The following WWOX variants were observed in gnomAD, a reference collection of about 807,000 sequenced individuals.
The protein encoded by WWOX is WW domain-containing oxidoreductase.
Under a neutral mutation model 46.2 loss-of-function variants are expected in WWOX, and 69 were observed. That is an observed-to-expected ratio of 1.49 (90% confidence interval 1.23 to 1.82). The LOEUF is 1.82. Ranked by LOEUF, WWOX falls within the 40% of genes most tolerant of loss-of-function variation. WWOX has a pLI of 0.00. For synonymous variants in WWOX, 359 were observed against 202.6 expected (o/e 1.77, Z -6.56); for missense variants, 919 against 542.6 (o/e 1.69, Z -6.89).
intron 8 of WWOX, among the ~76,000 whole-genome samples, chr16:78,488,827 G>A (rs555865188): frequency 1.3e-5 from 2 of 152,294 alleles, no homozygotes; most frequent in African/African-American, 4.8e-5. Context: ...AGATCAGTGG[G>A]ACGATTGAGT....
intron 8 of WWOX, among the ~76,000 whole-genome samples, chr16:78,793,467 C>T (rs573559457): frequency 6.6e-6 from 1 of 152,202 alleles, no homozygotes; most frequent in East Asian, 1.9e-4. Context: ...ATTTTTTATC[C>T]AGTTTTGCTT....
intron 8 of WWOX, among the ~76,000 whole-genome samples, chr16:78,769,025 G>T (rs954853382): frequency 2.6e-5 from 4 of 152,180 alleles, no homozygotes; most frequent in Non-Finnish European, 5.9e-5. Context: ...TGGTCAATTT[G>T]TTGTTATTTT....
chr16:78,356,170 G>A (rs538383257), intron 5 of WWOX, among the ~76,000 whole-genome samples: 1 of 147,354 alleles, frequency 6.8e-6, no homozygotes, highest in East Asian at 2.0e-4. Flanking sequence ...TTGGGCGACA[G>A]AGCGAGACTC....
chr16:78,383,577 C>T (rs1353342331), intron 5 of WWOX, among the ~76,000 whole-genome samples: 1 of 152,150 alleles, frequency 6.6e-6, no homozygotes, highest in Non-Finnish European at 1.5e-5. Flanking sequence ...CCACTACCTT[C>T]TTATTTAGAG....
intron 6 of WWOX, among the ~76,000 whole-genome samples, chr16:78,414,313 C>G (rs2082749164): frequency 1.3e-5 from 2 of 152,290 alleles, no homozygotes; most frequent in Middle Eastern, 3.4e-3. Context: ...TTGGTGGTCT[C>G]TTCACATGGA....
At chr16:78,374,732 A>G (rs773475352) in intron 5 of WWOX, among the ~76,000 whole-genome samples, 20 of 151,842 alleles carry the variant, frequency 1.3e-4, no homozygotes, top group Non-Finnish European at 1.8e-4. Flanking sequence ...TTGTATTATT[A>G]GTAGAGATGG....
At chr16:78,466,493 CAT>C (rs2084081720) in intron 8 of WWOX, among the ~76,000 whole-genome samples, 1 of 152,142 alleles carries the variant, frequency 6.6e-6, no homozygotes, top group South Asian at 2.1e-4. Flanking sequence ...CATAAGGAGA[CAT>C]ATTTTGATAC....
intron 5 of WWOX, among the ~76,000 whole-genome samples, chr16:78,256,657 T>G (rs1305235926): frequency 6.6e-6 from 1 of 151,956 alleles, no homozygotes; most frequent in Non-Finnish European, 1.5e-5. Flanking sequence ...GGTTGAAGGA[T>G]TGGATGAGAC....
intron 5 of WWOX, among the ~76,000 whole-genome samples, chr16:78,209,878 A>G (rs978284497): frequency 2.0e-5 from 3 of 152,208 alleles, no homozygotes; most frequent in East Asian, 3.8e-4. Context: ...TTTATAAGTT[A>G]CCTTCTTTCT....
At chr16:78,505,876 A>G (rs1170512353) in intron 8 of WWOX, among the ~76,000 whole-genome samples, 1 of 152,200 alleles carries the variant, frequency 6.6e-6, no homozygotes, top group African/African-American at 2.4e-5. Flanking sequence ...ATGGAGGAAG[A>G]TTCGGCCTTT....
intron 8 of WWOX, among the ~76,000 whole-genome samples, chr16:78,886,641 T>TATAA (rs2151221562): frequency 1.2e-5 from 1 of 86,816 alleles, no homozygotes; most frequent in East Asian, 2.9e-4. Flanking sequence ...AAGAAAAACA[T>TATAA]ATATATATAT....
intron 8 of WWOX, among the ~76,000 whole-genome samples, chr16:79,208,667 T>C (rs1271430430): frequency 6.6e-6 from 1 of 150,614 alleles, no homozygotes; most frequent in African/African-American, 2.4e-5. Flanking sequence ...GCTTTCTCTT[T>C]TATTGGCAGT....
At chr16:79,177,422 G>C (rs890376921) in intron 8 of WWOX, among the ~76,000 whole-genome samples, 1 of 152,134 alleles carries the variant, frequency 6.6e-6, no homozygotes, top group Non-Finnish European at 1.5e-5. Context: ...CAAAAGGCAA[G>C]GCTTTTACAC....
intron 8 of WWOX, among the ~76,000 whole-genome samples, chr16:79,165,042 C>T (rs2050564161): frequency 6.6e-6 from 1 of 151,820 alleles, no homozygotes; most frequent in African/African-American, 2.4e-5. Flanking sequence ...TTGAGGGTCT[C>T]TGGGAGGACC....
At chr16:78,911,084 G>C (rs1184771026) in intron 8 of WWOX, among the ~76,000 whole-genome samples, 2 of 151,942 alleles carry the variant, frequency 1.3e-5, no homozygotes, top group African/African-American at 2.4e-5. Context: ...TCTCCCCAGG[G>C]CCTCCCTTCT....
intron 8 of WWOX, among the ~76,000 whole-genome samples, chr16:78,507,473 C>T (rs1015087482): frequency 6.6e-6 from 1 of 152,202 alleles, no homozygotes. Flanking sequence ...CTTTAGAATA[C>T]TTCCACTCCG....
chr16:78,654,325 T>C (rs1178940907), intron 8 of WWOX, among the ~76,000 whole-genome samples: 2 of 152,166 alleles, frequency 1.3e-5, no homozygotes, highest in East Asian at 1.9e-4. Flanking sequence ...TATAAAATAA[T>C]CTTACAATCA....
intron 8 of WWOX, among the ~76,000 whole-genome samples, chr16:78,834,248 G>T (rs2051913328): frequency 6.6e-6 from 1 of 152,160 alleles, no homozygotes; most frequent in Admixed American, 6.5e-5. Context: ...CAAACATGGA[G>T]AGGCCCAAAA....
At chr16:79,014,744 A>G (rs1175033142) in intron 8 of WWOX, among the ~76,000 whole-genome samples, 1 of 152,230 alleles carries the variant, frequency 6.6e-6, no homozygotes, top group Non-Finnish European at 1.5e-5. Context: ...AGTGTACACA[A>G]CTAGTAAGTG....
Sources: allele counts gnomAD v4.1 joint callset (sites outside exome capture counted in the v4.1 genomes callset), GRCh38; gene constraint gnomAD v4.1.1; transcripts MANE v1.5; gene names NCBI Gene and HGNC (gene_info 2026-07-23, HGNC 2026-07-21).